CCDC152: variants seen among roughly 807,000 people sequenced by gnomAD.
CCDC152 encodes coiled-coil domain containing 152.
CCDC152 carries 37 observed loss-of-function variants against 38.1 expected under a neutral mutation model. The observed-to-expected ratio is 0.97, with a 90% confidence interval of 0.75 to 1.28. The LOEUF (loss-of-function observed/expected upper bound fraction) is 1.28. Among genes scored for constraint, CCDC152 ranks in the 50% most tolerant of loss-of-function variants. CCDC152 has a pLI of 0.00. For missense variants in CCDC152, 259 were observed against 292.1 expected (o/e 0.89, Z 0.83); for synonymous variants, 83 against 87.1 (o/e 0.95, Z 0.26).
intron 4 of CCDC152, among the ~76,000 whole-genome samples, chr5:42,778,070 T>C (rs186954092): frequency 4.5e-4 from 68 of 152,340 alleles, no homozygotes; most frequent in Non-Finnish European, 6.3e-4. Flanking sequence ...TGGTTGTGTT[T>C]ATAGTTAAGG....
At chr5:42,768,833 C>A (rs1187450987) in intron 3 of CCDC152, among the ~76,000 whole-genome samples, 1 of 152,160 alleles carries the variant, frequency 6.6e-6, no homozygotes, top group African/African-American at 2.4e-5. Context: ...CAGATATATG[C>A]AGGTGTGCCT....
In CCDC152 at chr5:42,763,139, A is replaced by T. The variant is rs11738481; in HGVS notation, c.193+591A>T. On this transcript the variant is annotated intron_variant, in intron 3 of 8. Transcript: ENST00000361970. Reference sequence around the variant, plus strand: ...CACAATAAGCCTCAAGCATCTTGTAAGGGCAGAAAGTAAGAAAGTCCTCAA... The same window carrying T: ...CACAATAAGCCTCAAGCATCTTGTATGGGCAGAAAGTAAGAAAGTCCTCAA... 9.1e-3 allele frequency among the ~76,000 whole-genome samples: 1,386 copies of T among 152,282 alleles called. 20 individuals are homozygous for T. Among genetic ancestry groups the T allele is most frequent in the Admixed American group, 0.014 (209 of 15,298 alleles).
chr5:42,791,521 T>G (rs1012565644), intron 6 of CCDC152, among the ~76,000 whole-genome samples: 11 of 152,238 alleles, frequency 7.2e-5, no homozygotes, highest in African/African-American at 2.7e-4. Flanking sequence ...GCTAATAATG[T>G]GTCTTCTGGG....
chr5:42,763,786 G>T (rs1262942148), intron 3 of CCDC152, among the ~76,000 whole-genome samples: 1 of 152,154 alleles, frequency 6.6e-6, no homozygotes, highest in Non-Finnish European at 1.5e-5. Context: ...AAGGTTTGAA[G>T]ATATAGCCCT....
chr5:42,799,623 T>TTG, intron 8 of CCDC152, 36 bp from the exon 9 acceptor site: 2 of 1,167,166 alleles, frequency 1.7e-6, no homozygotes, highest in Admixed American at 2.5e-5. Context: ...AAATTTTATT[T>TTG]CTGAATTCTA....
At chr5:42,767,308 T>C (rs1176536899) in intron 3 of CCDC152, among the ~76,000 whole-genome samples, 1 of 152,136 alleles carries the variant, frequency 6.6e-6, no homozygotes, top group Non-Finnish European at 1.5e-5. Flanking sequence ...TTAAAGATAG[T>C]AATAATATTA....
intron 5 of CCDC152, among the ~76,000 whole-genome samples, chr5:42,781,551 G>GCA (rs753951581): frequency 0.029 from 4,344 of 147,476 alleles, 150 homozygotes; most frequent in African/African-American, 0.085. Flanking sequence ...AAATGCGCGC[G>GCA]CGCGCACACA....
intron 6 of CCDC152, among the ~76,000 whole-genome samples, chr5:42,793,167 C>T (rs1760027889): frequency 6.6e-6 from 1 of 152,142 alleles, no homozygotes; most frequent in Admixed American, 6.5e-5. Flanking sequence ...AAGCAATATG[C>T]TAAATCAAAG....
rs1579708094 is a variant in CCDC152 at position 42,768,553 on chromosome 5, C to G, written c.194-1044C>G. 2.0e-5 allele frequency among the ~76,000 whole-genome samples: 3 copies of G among 152,326 alleles called. No homozygotes were observed. In the South Asian group the frequency reaches 6.2e-4, roughly 32 times the overall value. On this transcript the variant is annotated intron_variant, in intron 3 of 8. Coordinates refer to ENST00000361970, the MANE Select transcript of CCDC152 (RefSeq NM_001134848.2). Reference sequence around the variant, plus strand: ...ATATTTGCAATGAAACTTCTATCTTCTATTATGTCAGCAGCCATTGGCAGC... The same window carrying G: ...ATATTTGCAATGAAACTTCTATCTTGTATTATGTCAGCAGCCATTGGCAGC...
chr5:42,764,252 A>T (rs903753999), intron 3 of CCDC152, among the ~76,000 whole-genome samples: 1 of 152,166 alleles, frequency 6.6e-6, no homozygotes, highest in African/African-American at 2.4e-5. Flanking sequence ...TCTACTAAAA[A>T]TACAAAAATT....
Position 42,799,856 on chromosome 5 carries a change from A to C in CCDC152, c.*75A>C. 1 of 1,446,394 alleles carries C rather than the reference A, an allele frequency of 6.9e-7. No homozygotes were observed. The highest frequency in any genetic ancestry group is 9.4e-7 in the Non-Finnish European group (1 of 1,063,288). The allele number at this position is 1,446,394 out of a possible 1,614,324, so 89.6% of individuals were successfully genotyped here. On this transcript the variant is annotated 3_prime_UTR_variant, in exon 9 of 9. Coordinates refer to ENST00000361970, the MANE Select transcript of CCDC152 (RefSeq NM_001134848.2). The stretch of plus-strand genomic sequence containing the variant: ...TTTCACTTCTGTTTTCAATATATGC[A>C]TACAGCCTACATAACAAACGAAGTC...
intron 5 of CCDC152, among the ~76,000 whole-genome samples, chr5:42,780,331 G>A (rs1418742669): frequency 6.6e-6 from 1 of 152,080 alleles, no homozygotes; most frequent in Non-Finnish European, 1.5e-5. Flanking sequence ...TTCTGGCTAT[G>A]CTCTTAGAAA....
chr5:42,759,276 G>A lies in CCDC152; in HGVS notation c.87+68G>A. On this transcript the variant is annotated intron_variant, in intron 2 of 8. Coordinates refer to ENST00000361970, the MANE Select transcript of CCDC152 (RefSeq NM_001134848.2). ...GGAACAGATTTTGCCAAGGGAAGAA[G>A]TTGGGAAGAAAGAAAAATATACCAA... 4.4e-6 allele frequency: 4 copies of A among 915,796 alleles called. No individual in the cohort carries two copies. In the South Asian group the frequency reaches 7.3e-5, roughly 17 times the overall value. 56.7% of individuals were successfully genotyped at this position (915,796 alleles called of 1,614,324 possible).
rs146610326 is a variant in CCDC152, at chr5:42,760,954, G to A, written c.88-1489G>A. Among the ~76,000 whole-genome samples the A allele has an allele frequency of 2.0e-5, 3 of 152,210 alleles. No homozygotes were observed. The East Asian group carries it at 5.8e-4, about 29-fold the overall frequency. ...TAAGAAATAATTGTTCATTTTTGAG[G>A]TGATGATGGTATTGTGGCCATATTT... On this transcript the variant is annotated intron_variant, in intron 2 of 8. Coordinates refer to ENST00000361970, the MANE Select transcript of CCDC152 (RefSeq NM_001134848.2).
intron 1 of CCDC152, among the ~76,000 whole-genome samples, chr5:42,758,102 CAT>C (rs1579702275): frequency 1.3e-5 from 2 of 152,134 alleles, no homozygotes; most frequent in East Asian, 3.8e-4. Flanking sequence ...TTGCATATGT[CAT>C]ACATAAGATA....
chr5:42,785,031 G>GT (rs1759900206), intron 6 of CCDC152, among the ~76,000 whole-genome samples: 1 of 152,038 alleles, frequency 6.6e-6, no homozygotes, highest in Admixed American at 6.6e-5. Context: ...TTGAAGTAGG[G>GT]TAACGTGATG....
chr5:42,769,182 G>A (rs1759665737), intron 3 of CCDC152, among the ~76,000 whole-genome samples: 1 of 151,952 alleles, frequency 6.6e-6, no homozygotes. Context: ...CTGGGAGGCG[G>A]AGGTTGCGTG....
Position 42,799,475 on chromosome 5 carries a change from C to T in CCDC152, c.642+17C>T. On this transcript the variant is annotated intron_variant, in intron 8 of 8. Coordinates refer to ENST00000361970, the MANE Select transcript of CCDC152 (RefSeq NM_001134848.2). Reference sequence around the variant, plus strand: ...TACAGAAGGGTATGTGAGTTTTCCTCTCAGTATTTGTTGCTTAAGAAAACT... The same window carrying T: ...TACAGAAGGGTATGTGAGTTTTCCTTTCAGTATTTGTTGCTTAAGAAAACT... The T allele has an allele frequency of 6.9e-7, 1 of 1,456,474 alleles. No homozygotes were observed. Among genetic ancestry groups the T allele is most frequent in the Non-Finnish European group, 9.3e-7 (1 of 1,075,438 alleles). 90.2% of individuals were successfully genotyped at this position (1,456,474 alleles called of 1,614,324 possible).
chr5:42,770,403 A>G (rs1485593448), intron 4 of CCDC152, among the ~76,000 whole-genome samples: 1 of 152,150 alleles, frequency 6.6e-6, no homozygotes, highest in Non-Finnish European at 1.5e-5. Context: ...TCATGCTCCT[A>G]TTTCAATGCC....
Sources: gnomAD v4.1 joint callset for allele counts (sites outside exome capture counted in the v4.1 genomes callset) on GRCh38, gnomAD v4.1.1 for gene constraint, MANE v1.5 for transcripts, NCBI Gene and HGNC (gene_info 2026-07-23, HGNC 2026-07-21) for gene names.